The following TGM5 variants were observed in gnomAD, a reference collection of about 807,000 sequenced individuals.
TGM5 encodes the protein protein-glutamine gamma-glutamyltransferase 5.
TGM5 carries 69 observed loss-of-function variants against 77.2 expected under a neutral mutation model. The observed-to-expected ratio is 0.89, with a 90% CI of 0.74 to 1.09. The LOEUF is 1.09. TGM5 is among the 50% of genes least tolerant of loss of function. The pLI is 0.00. For synonymous variants in TGM5, 346 were observed against 351.8 expected, an observed-to-expected ratio of 0.98 and a Z score of 0.18; for missense variants, 842 against 896.5, an observed-to-expected ratio of 0.94 and a Z score of 0.78.
intron 6 of TGM5, 79 bp from the exon 7 acceptor site, chr15:43,241,069 C>G: frequency 6.3e-7 from 1 of 1,580,342 alleles, no homozygotes; most frequent in Non-Finnish European, 8.7e-7. Flanking sequence ...GGGCCTGGAC[C>G]TGGGGAAATC....
At position 43,235,834 on chromosome 15, in the gene TGM5, G is replaced by T. The variant is rs774622061; in HGVS notation, c.1349C>A (p.Ser450Tyr). The T allele has an allele frequency of 6.2e-7, 1 of 1,613,736 alleles. No individual in the cohort carries two copies. The highest frequency in any genetic ancestry group is 2.2e-5 in the East Asian group (1 of 44,862). Residue 450 changes from serine (S) to tyrosine (Y), a missense_variant, in exon 10 of 13, where the codon TCC (serine) becomes TAC (tyrosine). This residue lies in a region of TGM5 where 815 missense variants were observed against 844.6 expected (regional missense o/e 0.96). Coordinates refer to ENST00000220420, the MANE Select transcript of TGM5 (RefSeq NM_201631.4). ...ITENYKYEEG[S>Y]LQERQVFLKA... ...CAGAAACACCTGCCTCTCCTGGAGG[G>T]ATCCTGAAGTTGGGGAGAGCACAGC...
intron 6 of TGM5, among the ~76,000 whole-genome samples, chr15:43,242,406 TC>T (rs2042642912): frequency 6.6e-6 from 1 of 151,304 alleles, no homozygotes; most frequent in Admixed American, 6.6e-5. Context: ...TTTTCAATTT[TC>T]CCCCTGTTGT....
chr15:43,244,913 A>T (rs1025549956), intron 6 of TGM5, among the ~76,000 whole-genome samples: 6 of 151,934 alleles, frequency 3.9e-5, no homozygotes, highest in African/African-American at 7.3e-5. Flanking sequence ...ACAAAAAAAT[A>T]AAAAAATTGG....
intron 4 of TGM5, among the ~76,000 whole-genome samples, chr15:43,254,215 G>A (rs2042728012): frequency 6.6e-6 from 1 of 152,226 alleles, no homozygotes; most frequent in African/African-American, 2.4e-5. Context: ...CCCCGAGCCT[G>A]AGCCTGCTTT....
Position 43,251,211 on chromosome 15 carries a change from CACTCAACTCATCCA to C in TGM5, c.862+1534_862+1547del, listed in dbSNP as rs563283795. Among the ~76,000 whole-genome samples, 47 of 152,200 alleles carry C rather than the reference CACTCAACTCATCCA, an allele frequency of 3.1e-4. No homozygotes were observed. In the East Asian group the frequency reaches 8.3e-3, roughly 27 times the overall value. ...GAATTCCTTGTTTCTTATACCTGGG[CACTCAACTCATCCA>C]ACTCAACTCATCCAACTCAAGAGCT... is the stretch of plus-strand genomic sequence containing the variant. On this transcript the variant is annotated intron_variant, in intron 6 of 12. Transcript: ENST00000220420.
intron 1 of TGM5, among the ~76,000 whole-genome samples, chr15:43,264,073 C>A (rs2042809122): frequency 6.6e-6 from 1 of 152,136 alleles, no homozygotes; most frequent in Non-Finnish European, 1.5e-5. Flanking sequence ...TGCTCAACAT[C>A]ATTAGTCCTA....
chr15:43,240,766 C>T, intron 7 of TGM5, 86 bp downstream of exon 7: 2 of 1,581,298 alleles, frequency 1.3e-6, no homozygotes, highest in Non-Finnish European at 1.7e-6. Context: ...GGACCAGGCT[C>T]ATGGACCTCG....
intron 4 of TGM5, among the ~76,000 whole-genome samples, chr15:43,255,428 A>G (rs2042736154): frequency 6.6e-6 from 1 of 152,192 alleles, no homozygotes; most frequent in South Asian, 2.1e-4. Context: ...TGTTTCTTAC[A>G]GATGGCAGCC....
At chr15:43,264,444 AAAG>A (rs1375334890) in intron 1 of TGM5, among the ~76,000 whole-genome samples, 4 of 152,236 alleles carry the variant, frequency 2.6e-5, no homozygotes, top group African/African-American at 9.6e-5. Context: ...CTATAAAAAA[AAAG>A]AATGCTGAAC....
intron 6 of TGM5, among the ~76,000 whole-genome samples, chr15:43,251,546 A>G (rs78096540): frequency 0.047 from 7,106 of 152,176 alleles, 554 homozygotes; most frequent in African/African-American, 0.16. Flanking sequence ...CCCCTAAAGA[A>G]TCCTGTGAGC....
At chr15:43,237,096 G>C (rs907266021) in intron 9 of TGM5, among the ~76,000 whole-genome samples, 3 of 152,054 alleles carry the variant, frequency 2.0e-5, no homozygotes, top group African/African-American at 7.2e-5. Flanking sequence ...GGCCTGAGGA[G>C]CACCTAAGCA....
At chr15:43,261,083 T>TTTTG (rs2042785002) in intron 1 of TGM5, among the ~76,000 whole-genome samples, 1 of 68,314 alleles carries the variant, frequency 1.5e-5, no homozygotes, top group Non-Finnish European at 3.0e-5. Flanking sequence ...TGTGTTTTTT[T>TTTTG]TTTTTTTTTT....
rs1293588234 is a variant in TGM5 at position 43,260,154 on chromosome 15, C to A, written c.334G>T (p.Val112Leu). ...TGGATTTTCAAGAGGTACCGACCCA[C>A]GGCCGCCGTGGGAGGAGCGCACAAG... ...VSLCAPPTAAVGRYLLKIHID... is the reference protein window; with the variant it reads ...VSLCAPPTAALGRYLLKIHID... The change falls in exon 3 of 13, where the codon GTG becomes TTG. Residue 112 changes from valine (V) to leucine (L), a missense_variant. Physicochemically the swap from Val to Leu is conservative, Grantham distance 32 (BLOSUM62 1). Around this residue, in one of 2 missense-constraint regions of TGM5, gnomAD observed 815 missense variants for 844.6 expected, o/e 0.96. Coordinates refer to ENST00000220420, the MANE Select transcript of TGM5 (RefSeq NM_201631.4). The A allele has an allele frequency of 1.2e-6, 2 of 1,614,022 alleles. No homozygotes were observed. The highest frequency in any genetic ancestry group is 2.7e-5 in the African/African-American group (2 of 74,930).
At chr15:43,249,180 C>T (rs1042507841) in intron 6 of TGM5, among the ~76,000 whole-genome samples, 1 of 152,182 alleles carries the variant, frequency 6.6e-6, no homozygotes, top group African/African-American at 2.4e-5. Flanking sequence ...CATTGCTGTC[C>T]CCTACCCCAC....
intron 6 of TGM5, among the ~76,000 whole-genome samples, chr15:43,248,472 G>A (rs113990635): frequency 0.014 from 2,142 of 152,178 alleles, 41 homozygotes; most frequent in African/African-American, 0.049. Context: ...GCACCTGGCC[G>A]AAACAACTTT....
In TGM5 at chr15:43,240,887, GC is replaced by G. The variant is rs772558391; in HGVS notation, c.965del (p.Gly322AlafsTer45). On this transcript the variant is annotated frameshift_variant, in exon 7 of 13. Transcript: ENST00000220420. LOFTEE classifies it high-confidence loss of function. Reference protein sequence around the residue: ...LIIDEYYDNTGRILGNKKKDT... With the variant: ...LIIDEYYDNTXRILGNKKKDT... ...CCTTCTTCTTATTCCCCAAAATCCT[GC>G]CTGTGTTGTCATAATACTCATCTAT... 5.0e-6 allele frequency: 8 copies of G among 1,614,164 alleles called. No individual in the cohort carries two copies. In the Admixed American group the frequency reaches 1.3e-4, roughly 27 times the overall value.
intron 1 of TGM5, among the ~76,000 whole-genome samples, chr15:43,261,082 T>TTTTTTTTTTTTTG (rs2042784842): frequency 2.0e-5 from 2 of 102,524 alleles, no homozygotes; most frequent in African/African-American, 8.0e-5. Flanking sequence ...GTGTGTTTTT[T>TTTTTTTTTTTTTG]TTTTTTTTTT....
rs143176272 is a variant in TGM5, at chr15:43,249,116, G to A, written c.862+3643C>T. Among the ~76,000 whole-genome samples the A allele has an allele frequency of 2.4e-3, 360 of 152,184 alleles. 2 individuals carry two copies. Among genetic ancestry groups the A allele is most frequent in the Non-Finnish European group, 4.3e-3 (291 of 68,012 alleles). ...CCTTATTTTACAGAAGAGGGATGAT[G>A]CTGTACACCTGCTTACGGTCACACA... is the stretch of plus-strand genomic sequence containing the variant. On this transcript the variant is annotated intron_variant, in intron 6 of 12. Coordinates refer to ENST00000220420, the MANE Select transcript of TGM5 (RefSeq NM_201631.4).
chr15:43,252,622 T>A, intron 6 of TGM5, 137 bp downstream of exon 6: 1 of 1,177,242 alleles, frequency 8.5e-7, no homozygotes, highest in Non-Finnish European at 1.2e-6. Flanking sequence ...GGCCGAGACA[T>A]TTCAGAGAGG....
Sources: gnomAD v4.1 joint callset for allele counts (sites outside exome capture counted in the v4.1 genomes callset) on GRCh38, gnomAD v4.1.1 for gene constraint, gnomAD v4.1.1 regional missense constraint, MANE v1.5 for transcripts, NCBI Gene and HGNC (gene_info 2026-07-23, HGNC 2026-07-21) for gene names.